STK32A: variants seen among roughly 807,000 people sequenced by gnomAD.
STK32A encodes the protein serine/threonine kinase 32A.
STK32A carries 41 observed loss-of-function variants against 53.2 expected under a neutral mutation model. The ratio of observed to expected loss-of-function variants is 0.77; its 90% CI spans 0.60 to 1.00. The LOEUF (loss-of-function observed/expected upper bound fraction) is 1.00, where lower values mean the gene tolerates loss of function less well. Among genes scored for constraint, STK32A ranks in the 50% least tolerant of loss-of-function variants. The pLI, the probability that STK32A is intolerant of heterozygous loss-of-function variation, is 0.00. For synonymous variants in STK32A, 166 were observed against 162.8 expected, an observed-to-expected ratio of 1.02 and a Z score of -0.15; for missense variants, 458 against 485.8, an observed-to-expected ratio of 0.94 and a Z score of 0.54.
intron 9 of STK32A, among the ~76,000 whole-genome samples, chr5:147,371,078 A>T (rs534677606): frequency 1.3e-5 from 2 of 152,136 alleles, no homozygotes; most frequent in Admixed American, 1.3e-4. Context: ...AGCAACCAGG[A>T]CTCATTTGTC....
In STK32A at chr5:147,260,163, GTCTC is replaced by G. The variant is rs147607597; in HGVS notation, c.53-17948_53-17945del. On this transcript the variant is annotated intron_variant, in intron 2 of 12. Transcript: ENST00000397936. ...TCTCTCTCCTGTCTCTCTCCTCTCT[GTCTC>G]TCTCTCTCTCTCCTCTCTCTCTCCT... Among the ~76,000 whole-genome samples, 263 of 42,078 alleles carry G rather than the reference GTCTC, an allele frequency of 6.3e-3. 1 individual carries two copies. Among genetic ancestry groups the G allele is most frequent in the South Asian group, 0.011 (14 of 1,240 alleles). 27.6% of individuals were successfully genotyped at this position (42,078 alleles called of 152,430 possible).
At chr5:147,292,848 T>G (rs60368929) in intron 4 of STK32A, among the ~76,000 whole-genome samples, 1 of 151,438 alleles carries the variant, frequency 6.6e-6, no homozygotes, top group Non-Finnish European at 1.5e-5. Flanking sequence ...GCAACAAGAG[T>G]GAAACTTCAT....
chr5:147,282,865 C>T (rs911964399), intron 4 of STK32A, among the ~76,000 whole-genome samples: 1 of 152,182 alleles, frequency 6.6e-6, no homozygotes, highest in Non-Finnish European at 1.5e-5. Flanking sequence ...TAATACTCCA[C>T]TGACAGCACT....
chr5:147,283,788 T>C (rs894324591), intron 4 of STK32A, among the ~76,000 whole-genome samples: 5 of 151,940 alleles, frequency 3.3e-5, no homozygotes, highest in Non-Finnish European at 7.4e-5. Context: ...GCAGCGAGAT[T>C]GAAACGGTAA....
chr5:147,276,753 C>T (rs1029186051), intron 2 of STK32A, among the ~76,000 whole-genome samples: 1 of 152,106 alleles, frequency 6.6e-6, no homozygotes, highest in African/African-American at 2.4e-5. Flanking sequence ...AGAAGTCATT[C>T]CCTTGAGTAA....
In STK32A at chr5:147,384,153, CTCCTGGGA is replaced by C; in HGVS notation, c.*172_*179del. On this transcript the variant is annotated 3_prime_UTR_variant, in exon 13 of 13. Coordinates refer to ENST00000397936, the MANE Select transcript of STK32A (RefSeq NM_001112724.2). Reference sequence around the variant, plus strand: ...CACAGTGAAGGGTCCTGGGCCTGAGCTCCTGGGATGTCATTTCACATCAATCAACTGTG... The same window carrying C: ...CACAGTGAAGGGTCCTGGGCCTGAGCTGTCATTTCACATCAATCAACTGTG... 1 of 1,453,528 alleles carries C rather than the reference CTCCTGGGA, an allele frequency of 6.9e-7. No individual in the cohort carries two copies. Among genetic ancestry groups the C allele is most frequent in the South Asian group, 1.5e-5 (1 of 67,068 alleles). 90.0% of individuals were successfully genotyped at this position (1,453,528 alleles called of 1,614,324 possible).
intron 7 of STK32A, among the ~76,000 whole-genome samples, chr5:147,359,973 C>T (rs1269323804): frequency 1.3e-5 from 2 of 152,070 alleles, no homozygotes; most frequent in Non-Finnish European, 2.9e-5. Context: ...GTTTCCTTTG[C>T]CCAGAGCCAG....
intron 6 of STK32A, 89 bp downstream of exon 6, chr5:147,343,132 A>C: frequency 7.1e-7 from 1 of 1,417,596 alleles, no homozygotes; most frequent in Non-Finnish European, 9.9e-7. Context: ...CACATGAAAA[A>C]GGTATTTTGT....
chr5:147,298,924 T>A (rs928108083), intron 4 of STK32A, among the ~76,000 whole-genome samples: 1 of 152,132 alleles, frequency 6.6e-6, no homozygotes, highest in East Asian at 1.9e-4. Context: ...CCTGGGAGTA[T>A]TTGGATACCG....
chr5:147,382,958 G>C (rs1451903620), intron 11 of STK32A: 1 of 155,626 alleles, frequency 6.4e-6, no homozygotes, highest in Non-Finnish European at 1.4e-5. Context: ...CAGCAGTGTC[G>C]GAAGCACAGA....
At chr5:147,380,597 G>T (rs919529890) in intron 11 of STK32A, among the ~76,000 whole-genome samples, 2 of 152,290 alleles carry the variant, frequency 1.3e-5, no homozygotes, top group South Asian at 4.1e-4. Flanking sequence ...TCCTGGGACT[G>T]GTAATCATCT....
At position 147,365,555 on chromosome 5, in the gene STK32A, T is replaced by C. The variant is rs187847574; in HGVS notation, c.660+3941T>C. ...AGTAGATACGCTACTCATGATTATA[T>C]AGGAAAACAGAGAAGAGAAACATAC... is the stretch of plus-strand genomic sequence containing the variant. On this transcript the variant is annotated intron_variant, in intron 8 of 12. Transcript: ENST00000397936. Among the ~76,000 whole-genome samples, 628 of 152,218 alleles carry C rather than the reference T, an allele frequency of 4.1e-3. 6 individuals are homozygous for C. Among genetic ancestry groups the C allele is most frequent in the African/African-American group, 0.015 (607 of 41,540 alleles).
intron 4 of STK32A, among the ~76,000 whole-genome samples, chr5:147,284,696 CA>C (rs869167577): frequency 3.9e-5 from 2 of 51,658 alleles, no homozygotes; most frequent in Non-Finnish European, 8.6e-5. Flanking sequence ...CAAGACAAAA[CA>C]AAAAAACAAC....
chr5:147,243,860 C>CT (rs34672367), intron 2 of STK32A, among the ~76,000 whole-genome samples: 24 of 151,672 alleles, frequency 1.6e-4, no homozygotes, highest in East Asian at 7.8e-4. Flanking sequence ...GTCCTAATTA[C>CT]TTTTTTTTTA....
At chr5:147,395,636 G>A in the STK32A span, 5 of 1,614,136 alleles carry the variant, frequency 3.1e-6, no homozygotes, top group Non-Finnish European at 3.4e-6. Flanking sequence ...AGCAGAGCCT[G>A]CGGGGGTGCC....
chr5:147,343,191 G>A, intron 6 of STK32A, 148 bp downstream of exon 6: 1 of 853,366 alleles, frequency 1.2e-6, no homozygotes, highest in Non-Finnish European at 2.0e-6. Context: ...CAATATGGGG[G>A]AACTTTATTA....
the STK32A span, chr5:147,399,392 C>T: frequency 2.1e-6 from 2 of 955,134 alleles, no homozygotes; most frequent in African/African-American, 3.3e-5. Context: ...AGCTACAGAA[C>T]CTCACTCAGC....
At chr5:147,365,706 G>T (rs1441835991) in intron 8 of STK32A, among the ~76,000 whole-genome samples, 1 of 151,984 alleles carries the variant, frequency 6.6e-6, no homozygotes, top group African/African-American at 2.4e-5. Context: ...TGCTTCTGGG[G>T]TTCAGAGCAA....
At chr5:147,395,808 G>A in the STK32A span, 7 of 1,477,886 alleles carry the variant, frequency 4.7e-6, no homozygotes, top group Non-Finnish European at 6.4e-6. Flanking sequence ...AGTGAATACA[G>A]TGTGTGGTGG....
Sources: allele counts gnomAD v4.1 joint callset (sites outside exome capture counted in the v4.1 genomes callset), GRCh38; gene constraint gnomAD v4.1.1; transcripts MANE v1.5; gene names NCBI Gene and HGNC (gene_info 2026-07-23, HGNC 2026-07-21).